Variants in PMF1 observed in about 807,000 individuals in gnomAD.
PMF1 encodes polyamine-modulated factor 1.
In PMF1, 21 loss-of-function variants were observed where a neutral mutation model predicts 26.7. The observed-to-expected ratio is 0.79, with a 90% CI of 0.56 to 1.13. PMF1 has a LOEUF of 1.13. Ranked by LOEUF, PMF1 falls within the 50% of genes most tolerant of loss-of-function variation. The pLI is 0.00. For synonymous variants in PMF1, 105 were observed against 101.0 expected, an observed-to-expected ratio of 1.04 and a Z score of -0.24; for missense variants, 266 against 254.9, an observed-to-expected ratio of 1.04 and a Z score of -0.30.
Position 156,232,380 on chromosome 1 carries a change from G to T in PMF1, c.222G>T (p.Gln74His). 1 of 1,614,060 alleles carries T rather than the reference G, an allele frequency of 6.2e-7. No individual in the cohort carries two copies. Among genetic ancestry groups the T allele is most frequent in the Non-Finnish European group, 8.5e-7 (1 of 1,179,930 alleles). Residue 74 changes from glutamine to histidine, a missense_variant, in exon 2 of 5, where the codon CAG (glutamine) becomes CAT (histidine). By Grantham distance (24) the Gln-to-His change is conservative. Coordinates refer to ENST00000368277, the MANE Select transcript of PMF1 (RefSeq NM_007221.4). Reference sequence around the variant, plus strand: ...ACCAGTTGCAGCCTGCGATGACACAGCAAATCTATGACAAGTTTATAGCTC... The same window carrying T: ...ACCAGTTGCAGCCTGCGATGACACATCAAATCTATGACAAGTTTATAGCTC... ...CFYQLQPAMT[Q>H]QIYDKFIAQL...
chr1:156,231,443 C>T (rs1572499096), intron 1 of PMF1, among the ~76,000 whole-genome samples: 1 of 151,438 alleles, frequency 6.6e-6, no homozygotes, highest in Non-Finnish European at 1.5e-5. Flanking sequence ...TGGATTACAC[C>T]TGTAATCCTA....
intron 1 of PMF1, among the ~76,000 whole-genome samples, chr1:156,221,765 G>A (rs772110547): frequency 9.9e-5 from 15 of 152,188 alleles, no homozygotes; most frequent in Non-Finnish European, 2.2e-4. Flanking sequence ...CCCTTCCTGT[G>A]ATCCCTGAGT....
At chr1:156,216,586 CGCGTCCGA>C (rs1307342930) in intron 1 of PMF1, among the ~76,000 whole-genome samples, 2 of 151,854 alleles carry the variant, frequency 1.3e-5, no homozygotes, top group East Asian at 3.9e-4. Context: ...TGATCTCTCG[CGCGTCCGA>C]GCGTCCCGAC....
At chr1:156,232,879 T>C (rs1488226680) in intron 2 of PMF1, among the ~76,000 whole-genome samples, 1 of 151,294 alleles carries the variant, frequency 6.6e-6, no homozygotes, top group Non-Finnish European at 1.5e-5. Flanking sequence ...TTTCCCACTT[T>C]AGGCCGGTAC....
intron 4 of PMF1, 84 bp from the exon 5 acceptor site, chr1:156,239,464 C>G: frequency 9.1e-7 from 1 of 1,097,560 alleles, no homozygotes; most frequent in Non-Finnish European, 1.4e-6. Context: ...GGGGAAACCC[C>G]AGGCCTGGAG....
At position 156,237,957 on chromosome 1, in the gene PMF1, G is replaced by A. The variant is rs370561819; in HGVS notation, c.564+1474G>A. Among the ~76,000 whole-genome samples, 299 of 152,002 alleles carry A rather than the reference G, an allele frequency of 2.0e-3. 3 individuals are homozygous for A. Among genetic ancestry groups the A allele is most frequent in the Admixed American group, 0.011 (163 of 15,244 alleles). ...TTAATTTTGTATTTTTAGTAGAGAC[G>A]GGGTTTCACCATGTTGGCCAGGCTG... is the stretch of plus-strand genomic sequence containing the variant. On this transcript the variant is annotated intron_variant, in intron 4 of 4. Transcript: ENST00000368277.
chr1:156,236,586 G>A, intron 4 of PMF1, 103 bp downstream of exon 4: 2 of 1,428,490 alleles, frequency 1.4e-6, no homozygotes, highest in South Asian at 1.4e-5. Context: ...CCCCCACAGG[G>A]GGTAGGAGAG....
At chr1:156,236,702 C>A in intron 4 of PMF1, 1 of 640,824 alleles carries the variant, frequency 1.6e-6, no homozygotes, top group Non-Finnish European at 2.6e-6. Flanking sequence ...CAGGCACAGG[C>A]ATGTGTTCCC....
At chr1:156,219,217 A>G (rs1466894227) in intron 1 of PMF1, among the ~76,000 whole-genome samples, 1 of 152,070 alleles carries the variant, frequency 6.6e-6, no homozygotes, top group East Asian at 1.9e-4. Context: ...CCATGCACCA[A>G]AAAAGACCTT....
intron 1 of PMF1, among the ~76,000 whole-genome samples, chr1:156,221,118 ACG>A (rs1164720660): frequency 6.6e-6 from 1 of 151,820 alleles, no homozygotes; most frequent in East Asian, 1.9e-4. Context: ...TGTCCTTTAA[ACG>A]TGTGAATGTT....
intron 1 of PMF1, among the ~76,000 whole-genome samples, chr1:156,226,986 T>G (rs1270702032): frequency 6.6e-6 from 1 of 152,028 alleles, no homozygotes; most frequent in Non-Finnish European, 1.5e-5. Flanking sequence ...TTCCCAAGCT[T>G]TTCAGGTCCT....
rs33952725 is a variant in PMF1, at chr1:156,237,446, CT to C, written c.564+982del. Among the ~76,000 whole-genome samples, 388 of 123,362 alleles carry C rather than the reference CT, an allele frequency of 3.1e-3. 1 individual carries two copies. Among genetic ancestry groups the C allele is most frequent in the Middle Eastern group, 0.018 (4 of 228 alleles). The allele number at this position is 123,362 out of a possible 152,430, so 80.9% of individuals were successfully genotyped here. A position where few individuals can be genotyped will look rare whatever the true frequency, so the allele number is the denominator to read the frequency against. ...TCCTCACCAGCATGTTATTTTTTGT[CT>C]TTTTTTTTTTTTTTTTTTAGACAGA... On this transcript the variant is annotated intron_variant, in intron 4 of 4. Transcript: ENST00000368277.
At chr1:156,234,518 A>ATT (rs11377908) in intron 3 of PMF1, among the ~76,000 whole-genome samples, 1 of 149,108 alleles carries the variant, frequency 6.7e-6, no homozygotes, top group African/African-American at 2.5e-5. Context: ...TTTTTTTTCT[A>ATT]TTTTTTTTAA....
chr1:156,224,869 A>G (rs992128586), intron 1 of PMF1, among the ~76,000 whole-genome samples: 3 of 152,112 alleles, frequency 2.0e-5, no homozygotes, highest in African/African-American at 7.2e-5. Flanking sequence ...ACAGGACCAG[A>G]AAGTGGAGAG....
chr1:156,216,602 G>A (rs1572477647), intron 1 of PMF1, among the ~76,000 whole-genome samples: 1 of 151,754 alleles, frequency 6.6e-6, no homozygotes, highest in South Asian at 2.1e-4. Context: ...CGAGCGTCCC[G>A]ACTCCCGGTG....
At chr1:156,221,914 A>C (rs1658101947) in intron 1 of PMF1, among the ~76,000 whole-genome samples, 1 of 151,620 alleles carries the variant, frequency 6.6e-6, no homozygotes, top group Non-Finnish European at 1.5e-5. Context: ...CCTCCTTTCC[A>C]TCCTTGCTGA....
At position 156,236,371 on chromosome 1, in the gene PMF1, A is replaced by G. The variant is rs371184439; in HGVS notation, c.452A>G (p.His151Arg). 5.6e-6 allele frequency: 9 copies of G among 1,614,106 alleles called. No homozygotes were observed. The East Asian group carries it at 6.7e-5, about 12-fold the overall frequency. Residue 151 changes from histidine to arginine, a missense_variant, in exon 4 of 5, where the codon CAT becomes CGT. By Grantham distance (29) the His-to-Arg change is conservative. Transcript: ENST00000368277. ...CAGCAACGGGACACCCTGCGGCGCC[A>G]TGTGCAGAAACAGGAGGCCGAGAAC... Reference protein sequence around the residue: ...FLQQRDTLRRHVQKQEAENQQ... With the variant: ...FLQQRDTLRRRVQKQEAENQQ...
chr1:156,217,334 A>G (rs933987627), intron 1 of PMF1, among the ~76,000 whole-genome samples: 1 of 151,930 alleles, frequency 6.6e-6, no homozygotes, highest in African/African-American at 2.4e-5. Context: ...GTATCCTTGT[A>G]AAATATGTTA....
At chr1:156,219,485 C>G (rs556799957) in intron 1 of PMF1, among the ~76,000 whole-genome samples, 7 of 152,304 alleles carry the variant, frequency 4.6e-5, no homozygotes, top group Non-Finnish European at 7.4e-5. Context: ...GAGTCTCTCT[C>G]CTGCCCCACC....
Sources: gnomAD v4.1 joint callset for allele counts (sites outside exome capture counted in the v4.1 genomes callset) on GRCh38, gnomAD v4.1.1 for gene constraint, MANE v1.5 for transcripts, NCBI Gene and HGNC (gene_info 2026-07-23, HGNC 2026-07-21) for gene names.